COL23A1: variants seen among roughly 807,000 people sequenced by gnomAD.
COL23A1 encodes the protein collagen alpha-1(XXIII) chain.
COL23A1 carries 97 observed loss-of-function variants against 99.3 expected under a neutral mutation model. The observed-to-expected ratio is 0.98, with a 90% CI of 0.83 to 1.16. The LOEUF is 1.16. Ranked by LOEUF, COL23A1 falls within the 50% of genes most tolerant of loss-of-function variation. The probability of loss-of-function intolerance (pLI) is 0.00; values close to 1 mark genes in which losing one functional copy is unlikely to be tolerated. For missense variants in COL23A1, 762 were observed against 757.4 expected (o/e 1.01, Z -0.07); for synonymous variants, 320 against 308.2 (o/e 1.04, Z -0.40).
At chr5:178,472,447 C>A (rs190978143) in intron 2 of COL23A1, among the ~76,000 whole-genome samples, 2 of 152,122 alleles carry the variant, frequency 1.3e-5, no homozygotes, top group African/African-American at 2.4e-5. Flanking sequence ...AGTCTGATTC[C>A]GGAGTTCTTG....
At chr5:178,408,122 A>G (rs1205961776) in intron 2 of COL23A1, among the ~76,000 whole-genome samples, 2 of 152,276 alleles carry the variant, frequency 1.3e-5, no homozygotes, top group Non-Finnish European at 1.5e-5. Flanking sequence ...AAGCAATTAA[A>G]GTGACAGTGG....
chr5:178,467,404 C>T (rs1267276485), intron 2 of COL23A1, among the ~76,000 whole-genome samples: 1 of 152,232 alleles, frequency 6.6e-6, no homozygotes, highest in African/African-American at 2.4e-5. Flanking sequence ...AAGCTGGGGG[C>T]TGGTGATGCA....
At chr5:178,377,677 G>A (rs1210261206) in intron 2 of COL23A1, among the ~76,000 whole-genome samples, 1 of 152,216 alleles carries the variant, frequency 6.6e-6, no homozygotes, top group Non-Finnish European at 1.5e-5. Context: ...CATGGGAGTG[G>A]CGTGGAGGTG....
rs1765911832 is a variant in COL23A1, at chr5:178,425,977, G to A, written c.362-119058C>T. 3.3e-5 allele frequency among the ~76,000 whole-genome samples: 5 copies of A among 152,234 alleles called. No individual in the cohort carries two copies. The South Asian group carries it at 1.0e-3, about 32-fold the overall frequency. ...CACCCAGAAAAGGTGCCACGGTGGG[G>A]TCCTGAGTTCACCTCTGAGGTGGGA... is the stretch of plus-strand genomic sequence containing the variant. On this transcript the variant is annotated intron_variant, in intron 2 of 28. Coordinates refer to ENST00000390654, the MANE Select transcript of COL23A1 (RefSeq NM_173465.4).
At chr5:178,377,125 G>C (rs977861584) in intron 2 of COL23A1, among the ~76,000 whole-genome samples, 1 of 152,206 alleles carries the variant, frequency 6.6e-6, no homozygotes, top group Non-Finnish European at 1.5e-5. Context: ...GACTACGCGG[G>C]CCACGCACAG....
At chr5:178,494,623 C>T (rs186760898) in intron 2 of COL23A1, among the ~76,000 whole-genome samples, 1 of 152,278 alleles carries the variant, frequency 6.6e-6, no homozygotes, top group East Asian at 1.9e-4. Flanking sequence ...TGCACTGAGC[C>T]GAGATTGCAC....
intron 27 of COL23A1, among the ~76,000 whole-genome samples, chr5:178,241,006 T>C (rs1764365914): frequency 6.6e-6 from 1 of 152,124 alleles, no homozygotes; most frequent in Admixed American, 6.5e-5. Flanking sequence ...TCTGGGAGGC[T>C]AAGGTGGGAC....
rs2113602560 is a variant in COL23A1, at chr5:178,564,134, A to G, written c.295-3386T>C. Among the ~76,000 whole-genome samples the G allele has an allele frequency of 1.3e-5, 2 of 152,342 alleles. 1 individual carries two copies. Among genetic ancestry groups the G allele is most frequent in the South Asian group, 4.1e-4 (2 of 4,826 alleles). ...TTTTATCAACACTGATAGGAAACAC[A>G]GTTACTTTTGAGCTACTCTCACCTT... On this transcript the variant is annotated intron_variant, in intron 1 of 28. Transcript: ENST00000390654.
At position 178,323,750 on chromosome 5, in the gene COL23A1, G is replaced by A. The variant is rs530298549; in HGVS notation, c.362-16831C>T. Among the ~76,000 whole-genome samples, 597 of 152,254 alleles carry A rather than the reference G, an allele frequency of 3.9e-3. 10 individuals are homozygous for A. Among genetic ancestry groups the A allele is most frequent in the African/African-American group, 0.014 (568 of 41,560 alleles). ...GCTGGAACGCTGCAGGGAGCAGGGA[G>A]GTGGCTCCCACATGTGGACCTACCA... On this transcript the variant is annotated intron_variant, in intron 2 of 28. Transcript: ENST00000390654.
At chr5:178,393,581 G>A (rs994399041) in intron 2 of COL23A1, among the ~76,000 whole-genome samples, 9 of 151,882 alleles carry the variant, frequency 5.9e-5, no homozygotes, top group African/African-American at 2.2e-4. Flanking sequence ...CAGATCATGT[G>A]AGACCAGCTC....
intron 2 of COL23A1, among the ~76,000 whole-genome samples, chr5:178,486,305 G>A (rs1383446276): frequency 6.6e-6 from 1 of 152,224 alleles, no homozygotes; most frequent in Non-Finnish European, 1.5e-5. Context: ...TCACCGGGAT[G>A]AGCAGAAAGG....
chr5:178,419,320 G>T (rs1190282993), intron 2 of COL23A1, among the ~76,000 whole-genome samples: 1 of 152,184 alleles, frequency 6.6e-6, no homozygotes, highest in Non-Finnish European at 1.5e-5. Flanking sequence ...TCGCATGGAG[G>T]GTCAGTGGCT....
At chr5:178,355,705 T>C (rs1157677541) in intron 2 of COL23A1, among the ~76,000 whole-genome samples, 1 of 152,148 alleles carries the variant, frequency 6.6e-6, no homozygotes, top group Non-Finnish European at 1.5e-5. Context: ...TTAGCCAGAA[T>C]GGTCTCCATC....
chr5:178,548,366 C>G (rs1318951112), intron 2 of COL23A1, among the ~76,000 whole-genome samples: 7 of 152,018 alleles, frequency 4.6e-5, no homozygotes, highest in Admixed American at 1.3e-4. Flanking sequence ...AACTCTTAAT[C>G]GTCCCCATCC....
intron 2 of COL23A1, among the ~76,000 whole-genome samples, chr5:178,319,651 G>A (rs1421583072): frequency 6.6e-6 from 1 of 152,182 alleles, no homozygotes; most frequent in Non-Finnish European, 1.5e-5. Context: ...GAACTCTCGG[G>A]GTTCCTCGGA....
intron 2 of COL23A1, among the ~76,000 whole-genome samples, chr5:178,404,892 G>C (rs1219946364): frequency 2.0e-5 from 3 of 152,194 alleles, no homozygotes; most frequent in African/African-American, 7.2e-5. Context: ...AGCACACCAG[G>C]ACAAGAATGA....
intron 27 of COL23A1, among the ~76,000 whole-genome samples, chr5:178,240,787 C>T (rs1244336721): frequency 6.6e-6 from 1 of 152,218 alleles, no homozygotes; most frequent in African/African-American, 2.4e-5. Context: ...ACTCTGGCAC[C>T]GCTGGAGGTT....
At chr5:178,344,731 A>G in intron 2 of COL23A1, 1 of 372,200 alleles carries the variant, frequency 2.7e-6, no homozygotes, top group South Asian at 2.6e-5. Context: ...GAAACCAGAG[A>G]CACAGAACCT....
intron 2 of COL23A1, among the ~76,000 whole-genome samples, chr5:178,356,662 T>G (rs1208662385): frequency 6.6e-6 from 1 of 152,084 alleles, no homozygotes; most frequent in East Asian, 1.9e-4. Context: ...GCCTCCCCAG[T>G]CCCCACATTA....
Sources: allele counts gnomAD v4.1 joint callset (sites outside exome capture counted in the v4.1 genomes callset), GRCh38; gene constraint gnomAD v4.1.1; transcripts MANE v1.5; gene names NCBI Gene and HGNC (gene_info 2026-07-23, HGNC 2026-07-21).